COL23A1: variants seen among roughly 807,000 people sequenced by gnomAD.
The protein encoded by COL23A1 is collagen type XXIII alpha 1 chain.
COL23A1 carries 97 observed loss-of-function variants against 99.3 expected under a neutral mutation model. The observed-to-expected ratio is 0.98, with a 90% CI of 0.83 to 1.16. The LOEUF (loss-of-function observed/expected upper bound fraction) is 1.16, where lower values mean the gene tolerates loss of function less well. Ranked by LOEUF, COL23A1 falls within the 50% of genes most tolerant of loss-of-function variation. The probability of loss-of-function intolerance (pLI) is 0.00; values close to 1 mark genes in which losing one functional copy is unlikely to be tolerated. For missense variants in COL23A1, 762 were observed against 757.4 expected, an observed-to-expected ratio of 1.01 and a Z score of -0.07; for synonymous variants, 320 against 308.2, an observed-to-expected ratio of 1.04 and a Z score of -0.40.
At chr5:178,537,157 C>T (rs945073238) in intron 2 of COL23A1, among the ~76,000 whole-genome samples, 14 of 152,162 alleles carry the variant, frequency 9.2e-5, no homozygotes, top group East Asian at 3.9e-4. Flanking sequence ...ACATACAGGC[C>T]GGGGGTGACA....
chr5:178,372,930 CTTTTTTTTTTTT>C (rs1183891249), intron 2 of COL23A1, among the ~76,000 whole-genome samples: 1 of 58,876 alleles, frequency 1.7e-5, no homozygotes, highest in Non-Finnish European at 3.0e-5. Flanking sequence ...CTTTTTCTTT[CTTTTTTTTTTTT>C]TTTTTGAGAC....
At position 178,281,296 on chromosome 5, in the gene COL23A1, G is replaced by A. The variant is rs985079656; in HGVS notation, c.441+7028C>T. Among the ~76,000 whole-genome samples the A allele has an allele frequency of 6.6e-6, 1 of 152,186 alleles. No individual in the cohort carries two copies. Among genetic ancestry groups the A allele is most frequent in the Non-Finnish European group, 1.5e-5 (1 of 68,030 alleles). The stretch of plus-strand genomic sequence containing the variant: ...TTGAACTACAAGAGTGCAAGAGAGC[G>A]TGTGAACGTGCGGTGCTCCATGGGC... On this transcript the variant is annotated intron_variant, in intron 5 of 28. Transcript: ENST00000390654. This position sits in a 1 kb window ranked among gnomAD's most constrained non-coding sequence, Gnocchi z 4.0.
At position 178,366,688 on chromosome 5, in the gene COL23A1, C is replaced by T. The variant is rs2973709; in HGVS notation, c.362-59769G>A. ...CCAAAACAGCATCCTGCCGCTGCCA[C>T]GGTGGTGCAGCCACACTGAGCATCC... is the stretch of plus-strand genomic sequence containing the variant. On this transcript the variant is annotated intron_variant, in intron 2 of 28. Coordinates refer to ENST00000390654, the MANE Select transcript of COL23A1 (RefSeq NM_173465.4). The surrounding 1 kb of genome is among the most constrained non-coding windows in gnomAD (Gnocchi z 4.4). Among the ~76,000 whole-genome samples, 61 of 152,328 alleles carry T rather than the reference C, an allele frequency of 4.0e-4. No homozygotes were observed. Among genetic ancestry groups the T allele is most frequent in the African/African-American group, 1.3e-3 (56 of 41,582 alleles).
chr5:178,396,855 C>T (rs536743545), intron 2 of COL23A1, among the ~76,000 whole-genome samples: 3 of 152,206 alleles, frequency 2.0e-5, no homozygotes, highest in Non-Finnish European at 2.9e-5. Context: ...CTCTCCCCGG[C>T]GGGCAGGCGC....
In COL23A1 at chr5:178,248,172, A is replaced by G. The variant is rs757577813; in HGVS notation, c.1212+20T>C. The stretch of plus-strand genomic sequence containing the variant: ...GGACTGGGTGTTGGGGGAAGCCCTG[A>G]CCCCCCCATACCCCCTTACCAGGCT... On this transcript the variant is annotated intron_variant, in intron 20 of 28. Transcript: ENST00000390654. The G allele has an allele frequency of 1.1e-5, 16 of 1,507,672 alleles. No homozygotes were observed. In the African/African-American group the frequency reaches 2.2e-4, roughly 21 times the overall value. 93.4% of individuals were successfully genotyped at this position (1,507,672 alleles called of 1,614,324 possible). A position where few individuals can be genotyped will look rare whatever the true frequency, so the allele number is the denominator to read the frequency against.
intron 1 of COL23A1, among the ~76,000 whole-genome samples, chr5:178,574,158 C>A (rs904979612): frequency 3.3e-5 from 5 of 152,134 alleles, no homozygotes; most frequent in Admixed American, 3.3e-4. Context: ...CGCACCTGGA[C>A]CTGAGGGTTC....
intron 5 of COL23A1, among the ~76,000 whole-genome samples, chr5:178,279,871 A>G (rs1171947656): frequency 2.0e-5 from 3 of 152,190 alleles, no homozygotes; most frequent in Non-Finnish European, 2.9e-5. Context: ...GGTCTGGGTA[A>G]CGGGAGCCCC....
At chr5:178,390,284 T>C (rs1020625616) in intron 2 of COL23A1, among the ~76,000 whole-genome samples, 1 of 152,214 alleles carries the variant, frequency 6.6e-6, no homozygotes, top group Non-Finnish European at 1.5e-5. Context: ...TGAGACTGTC[T>C]GGATCATGTG....
intron 2 of COL23A1, among the ~76,000 whole-genome samples, chr5:178,460,612 G>A (rs185288368): frequency 2.7e-3 from 414 of 152,330 alleles, no homozygotes; most frequent in Admixed American, 4.6e-3. Flanking sequence ...CTGTTGAGCA[G>A]CCTCGGCTTC....
chr5:178,570,704 C>CA (rs1050418697), intron 1 of COL23A1, among the ~76,000 whole-genome samples: 1 of 152,166 alleles, frequency 6.6e-6, no homozygotes, highest in Non-Finnish European at 1.5e-5. Context: ...TTGAGACAGG[C>CA]AACAACTGCT....
At chr5:178,371,647 G>A (rs762791309) in intron 2 of COL23A1, among the ~76,000 whole-genome samples, 14 of 152,122 alleles carry the variant, frequency 9.2e-5, no homozygotes, top group Non-Finnish European at 1.6e-4. Context: ...CACCCACCCC[G>A]CACACCCTGG....
At position 178,590,175 on chromosome 5, in the gene COL23A1, C is replaced by T; in HGVS notation, c.23G>A (p.Gly8Asp). The change falls in exon 1 of 29, where the codon GGT becomes GAT. Residue 8 changes from glycine (G) to aspartate (D), a missense_variant. Transcript: ENST00000390654. The surrounding 1 kb of genome is among the most constrained non-coding windows in gnomAD (Gnocchi z 5.7). MGPGERA[G>D]GGGDAGKGNA... is the part of the protein sequence containing the mutation. ...GCCCTTCCCCGCGTCGCCGCCGCCA[C>T]CGGCGCGCTCGCCTGGGCCCATGGC... is the stretch of plus-strand genomic sequence containing the variant. 8.2e-7 allele frequency: 1 copy of T among 1,220,384 alleles called. No homozygotes were observed. The highest frequency in any genetic ancestry group is 1.0e-6 in the Non-Finnish European group (1 of 984,504). 75.6% of individuals were successfully genotyped at this position (1,220,384 alleles called of 1,614,324 possible). A position where few individuals can be genotyped will look rare whatever the true frequency, so the allele number is the denominator to read the frequency against.
At chr5:178,262,963 C>T (rs1765715247) in intron 9 of COL23A1, among the ~76,000 whole-genome samples, 2 of 151,814 alleles carry the variant, frequency 1.3e-5, no homozygotes, top group Admixed American at 6.6e-5. Flanking sequence ...ATTTAAGGTT[C>T]GAATGGGATT....
intron 3 of COL23A1, among the ~76,000 whole-genome samples, chr5:178,295,377 G>A (rs542972408): frequency 2.6e-5 from 4 of 152,270 alleles, no homozygotes; most frequent in Admixed American, 6.5e-5. Context: ...GATTATGAAC[G>A]AGGATTAACT....
intron 1 of COL23A1, among the ~76,000 whole-genome samples, chr5:178,571,521 A>T (rs968279998): frequency 1.3e-5 from 2 of 152,168 alleles, no homozygotes; most frequent in East Asian, 3.9e-4. Context: ...GGACCAAACT[A>T]TTTCCAGCCC....
chr5:178,322,920 G>A (rs116219326), intron 2 of COL23A1, among the ~76,000 whole-genome samples: 120 of 152,330 alleles, frequency 7.9e-4, no homozygotes, highest in Non-Finnish European at 1.4e-3. Context: ...GGGTCCACTC[G>A]AGGACATGCT....
At chr5:178,388,948 G>C (rs1763812363) in intron 2 of COL23A1, among the ~76,000 whole-genome samples, 2 of 152,214 alleles carry the variant, frequency 1.3e-5, no homozygotes, top group Non-Finnish European at 2.9e-5. Flanking sequence ...AAACTTCTGT[G>C]ACTGTGGAAC....
In COL23A1 at chr5:178,259,670, C is replaced by T. The variant is rs367940619; in HGVS notation, c.729+51G>A. 8.5e-4 allele frequency: 1,294 copies of T among 1,520,396 alleles called. 9 individuals are homozygous for T. In the African/African-American group the frequency reaches 0.016, roughly 19 times the overall value. 94.2% of individuals were successfully genotyped at this position (1,520,396 alleles called of 1,614,324 possible). A position where few individuals can be genotyped will look rare whatever the true frequency, so the allele number is the denominator to read the frequency against. On this transcript the variant is annotated intron_variant, in intron 12 of 28. Coordinates refer to ENST00000390654, the MANE Select transcript of COL23A1 (RefSeq NM_173465.4). ...TCCGTCCCAGCCCCTGCCCTTCTCT[C>T]CAGCCACTTCCCAACACTGACCCGG...
intron 2 of COL23A1, among the ~76,000 whole-genome samples, chr5:178,482,499 G>A (rs996411866): frequency 2.6e-5 from 4 of 152,204 alleles, no homozygotes; most frequent in Non-Finnish European, 4.4e-5. Flanking sequence ...TTCAGTTGGG[G>A]AAGATGAAGA....
Sources: gnomAD v4.1 joint callset for allele counts (sites outside exome capture counted in the v4.1 genomes callset) on GRCh38, gnomAD v4.1.1 for gene constraint, Gnocchi (gnomAD v3.1) non-coding constraint, MANE v1.5 for transcripts, NCBI Gene and HGNC (gene_info 2026-07-23, HGNC 2026-07-21) for gene names.